CFAP100: variants seen among roughly 807,000 people sequenced by gnomAD.
CFAP100 encodes the protein cilia- and flagella-associated protein 100.
CFAP100 carries 70 observed loss-of-function variants against 81.5 expected under a neutral mutation model. That is an observed-to-expected ratio of 0.86 (90% CI 0.71 to 1.05). The LOEUF (loss-of-function observed/expected upper bound fraction) is 1.05, where lower values mean the gene tolerates loss of function less well. CFAP100 is among the 50% of genes least tolerant of loss of function. The probability of loss-of-function intolerance (pLI) is 0.00; values close to 1 mark genes in which losing one functional copy is unlikely to be tolerated. For missense variants in CFAP100, 811 were observed against 776.5 expected, an observed-to-expected ratio of 1.04 and a Z score of -0.53; for synonymous variants, 341 against 314.8, an observed-to-expected ratio of 1.08 and a Z score of -0.88.
chr3:126,395,880 C>T, intron 1 of CFAP100, 62 bp from the exon 2 acceptor site: 2 of 839,200 alleles, frequency 2.4e-6, no homozygotes, highest in South Asian at 3.1e-5. Context: ...TGTCAGCCAC[C>T]CAGGGGGAAG....
chr3:126,432,961 C>G lies in CFAP100; in HGVS notation c.1287-108C>G, dbSNP rs928172047. On this transcript the variant is annotated intron_variant, in intron 13 of 16. Transcript: ENST00000352312. Reference sequence around the variant, plus strand: ...ACTTGGCACCCATGATCCTTCAGCCCTCAGGACAGCTGGTAGGGGCAAAGC... The same window carrying G: ...ACTTGGCACCCATGATCCTTCAGCCGTCAGGACAGCTGGTAGGGGCAAAGC... 2.3e-5 allele frequency: 31 copies of G among 1,339,928 alleles called. No individual in the cohort carries two copies. In the African/African-American group the frequency reaches 4.4e-4, roughly 19 times the overall value. 83.0% of individuals were successfully genotyped at this position (1,339,928 alleles called of 1,614,324 possible). A position where few individuals can be genotyped will look rare whatever the true frequency, so the allele number is the denominator to read the frequency against.
At chr3:126,407,399 TAAC>T in intron 3 of CFAP100, 147 bp downstream of exon 3, 1 of 554,922 alleles carries the variant, frequency 1.8e-6, no homozygotes, top group Non-Finnish European at 3.2e-6. Context: ...TGACTTGAAA[TAAC>T]AGGCATGTAA....
At chr3:126,422,485 G>C (rs1311223677) in intron 11 of CFAP100, among the ~76,000 whole-genome samples, 1 of 130,484 alleles carries the variant, frequency 7.7e-6, no homozygotes, top group Non-Finnish European at 1.7e-5. Context: ...GCAAGCCAGC[G>C]CAGCCCCCCC....
At chr3:126,418,205 C>T (rs569248188) in intron 5 of CFAP100, 33 of 508,732 alleles carry the variant, frequency 6.5e-5, no homozygotes, top group African/African-American at 3.7e-4. Flanking sequence ...GCAAGAAAGG[C>T]GCAAGTCAGA....
chr3:126,436,150 T>A (rs984108265), intron 16 of CFAP100, 141 bp from the exon 17 acceptor site: 2 of 619,492 alleles, frequency 3.2e-6, no homozygotes, highest in South Asian at 2.0e-5. Context: ...CAGAGTTAAC[T>A]CCAGCCCTCA....
Position 126,419,980 on chromosome 3 carries a change from G to A in CFAP100, c.914G>A (p.Gly305Glu). 6.2e-7 allele frequency: 1 copy of A among 1,613,088 alleles called. No homozygotes were observed. Among genetic ancestry groups the A allele is most frequent in the Non-Finnish European group, 8.5e-7 (1 of 1,179,954 alleles). Residue 305 changes from glycine (G) to glutamate (E), a missense_variant and splice_region_variant, in exon 10 of 17, where the codon GGA becomes GAA. Gly to Glu is a moderately conservative substitution (Grantham distance 98). Coordinates refer to ENST00000352312, the MANE Select transcript of CFAP100 (RefSeq NM_182628.3). ...SSVNSTPGDK[G>E]PGIKGKASSM... The stretch of plus-strand genomic sequence containing the variant: ...GGGGCCCCCCCTTTGCTTCCTGCAG[G>A]ACCAGGGATCAAGGGCAAGGCGAGC...
chr3:126,426,299 G>GA lies in CFAP100; in HGVS notation c.1286+2661dup, dbSNP rs554536087. ...GCAACATAGTGAGACCATATTGCTA[G>GA]AAAAAATAAAAAACTTAGCTAGGCA... is the stretch of plus-strand genomic sequence containing the variant. On this transcript the variant is annotated intron_variant, in intron 13 of 16. Coordinates refer to ENST00000352312, the MANE Select transcript of CFAP100 (RefSeq NM_182628.3). Among the ~76,000 whole-genome samples the GA allele has an allele frequency of 2.0e-3, 300 of 152,016 alleles. 3 individuals are homozygous for GA. Among genetic ancestry groups the GA allele is most frequent in the African/African-American group, 6.3e-3 (261 of 41,476 alleles).
intron 11 of CFAP100, among the ~76,000 whole-genome samples, chr3:126,422,423 G>C (rs2083347408): frequency 6.6e-6 from 1 of 152,210 alleles, no homozygotes; most frequent in African/African-American, 2.4e-5. Flanking sequence ...TGCTTCTGGG[G>C]ATCAGGGGCT....
intron 14 of CFAP100, 132 bp downstream of exon 14, chr3:126,433,336 C>G (rs1933305753): frequency 9.0e-7 from 1 of 1,114,352 alleles, no homozygotes; most frequent in Admixed American, 2.3e-5. Context: ...CTGCCCTTGC[C>G]CTGCCTCCCT....
In CFAP100 at chr3:126,423,337, C is replaced by T. The variant is rs1400048032; in HGVS notation, c.1095C>T (p.Pro365=). 1 of 1,613,330 alleles carries T rather than the reference C, an allele frequency of 6.2e-7. No individual in the cohort carries two copies. Among genetic ancestry groups the T allele is most frequent in the African/African-American group, 1.3e-5 (1 of 74,892 alleles). Residue 365 remains proline (P), a synonymous_variant, in exon 12 of 17, where the codon CCC becomes CCT. Transcript: ENST00000352312. ...SGGDSRGSNS[P]IPPTQEDTDS... ...CATCTCTTCGCAGGTCGAACTCTCC[C>T]ATCCCCCCCACGCAGGAGGACACCG...
chr3:126,432,523 G>A (rs1933274679), intron 13 of CFAP100, among the ~76,000 whole-genome samples: 1 of 151,284 alleles, frequency 6.6e-6, no homozygotes, highest in African/African-American at 2.4e-5. Flanking sequence ...AAAAAGAAAT[G>A]AAGTGCTGAC....
At chr3:126,406,061 C>T (rs2083057531) in intron 2 of CFAP100, among the ~76,000 whole-genome samples, 1 of 152,126 alleles carries the variant, frequency 6.6e-6, no homozygotes, top group South Asian at 2.1e-4. Flanking sequence ...GAAATGTAAC[C>T]ACATGCCTAC....
In CFAP100 at chr3:126,395,954, T is replaced by A. The variant is rs2082880859; in HGVS notation, c.-47T>A. On this transcript the variant is annotated 5_prime_UTR_variant, in exon 2 of 17. Transcript: ENST00000352312. ...TGTCACTCCTCAGGTGAGGATCTCCTTTAGAAGAGGAGAAGCCTTGCATCA... is the reference window on the plus strand; with the variant it reads ...TGTCACTCCTCAGGTGAGGATCTCCATTAGAAGAGGAGAAGCCTTGCATCA... 1 of 1,543,092 alleles carries A rather than the reference T, an allele frequency of 6.5e-7. No individual in the cohort carries two copies. The highest frequency in any genetic ancestry group is 1.1e-5 in the South Asian group (1 of 89,612).
At chr3:126,398,085 T>C (rs1325674003) in intron 2 of CFAP100, among the ~76,000 whole-genome samples, 1 of 152,082 alleles carries the variant, frequency 6.6e-6, no homozygotes, top group Admixed American at 6.5e-5. Flanking sequence ...AGAGGGAGAC[T>C]GCTCAGTGTC....
At chr3:126,432,850 GTTTA>G (rs1440028319) in intron 13 of CFAP100, 6 of 427,688 alleles carry the variant, frequency 1.4e-5, no homozygotes, top group Non-Finnish European at 2.5e-5. Context: ...CAATGAAGCT[GTTTA>G]TTTTCTTTAA....
intron 13 of CFAP100, chr3:126,432,850 GTTTAT>G (rs1236802503): frequency 2.3e-6 from 1 of 427,688 alleles, no homozygotes; most frequent in East Asian, 3.6e-5. Context: ...CAATGAAGCT[GTTTAT>G]TTTCTTTAAT....
At chr3:126,433,488 G>T (rs974642379) in intron 14 of CFAP100, 2 of 376,108 alleles carry the variant, frequency 5.3e-6, no homozygotes, top group South Asian at 3.6e-5. Context: ...ATCCTGAAGG[G>T]GGGGAAGAGG....
intron 3 of CFAP100, among the ~76,000 whole-genome samples, chr3:126,413,347 T>C (rs1236178441): frequency 6.6e-6 from 1 of 152,220 alleles, no homozygotes; most frequent in Non-Finnish European, 1.5e-5. Context: ...ACCCTCCCTG[T>C]CTTCCAGAGC....
In CFAP100 at chr3:126,419,095, G is replaced by GC; in HGVS notation, c.672dup (p.Lys225GlnfsTer7). 1 of 1,316,486 alleles carries GC rather than the reference G, an allele frequency of 7.6e-7. No individual in the cohort carries two copies. Among genetic ancestry groups the GC allele is most frequent in the Admixed American group, 2.1e-5 (1 of 46,586 alleles). The allele number at this position is 1,316,486 out of a possible 1,614,324, so 81.6% of individuals were successfully genotyped here. A position where few individuals can be genotyped will look rare whatever the true frequency, so the allele number is the denominator to read the frequency against. Reference sequence around the variant, plus strand: ...CCCTAGGGCTGAGAAGGAGACCAAAGCCAAGATAGAGAAGATCCTTGAGAT... The same window carrying GC: ...CCCTAGGGCTGAGAAGGAGACCAAAGCCCAAGATAGAGAAGATCCTTGAGAT... On this transcript the variant is annotated frameshift_variant, in exon 8 of 17. Transcript: ENST00000352312. LOFTEE classifies it high-confidence loss of function.
Sources: gnomAD v4.1 joint callset for allele counts (sites outside exome capture counted in the v4.1 genomes callset) on GRCh38, gnomAD v4.1.1 for gene constraint, MANE v1.5 for transcripts, NCBI Gene and HGNC (gene_info 2026-07-23, HGNC 2026-07-21) for gene names.